The following CEACAM5 variants were observed in gnomAD, a reference collection of about 807,000 sequenced individuals.
The protein encoded by CEACAM5 is cell adhesion molecule CEACAM5.
In CEACAM5, 52 loss-of-function variants were observed where a neutral mutation model predicts 63.0. That is an observed-to-expected ratio of 0.83 (90% CI 0.66 to 1.04). The LOEUF (loss-of-function observed/expected upper bound fraction) is 1.04, where lower values mean the gene tolerates loss of function less well. CEACAM5 is among the 50% of genes least tolerant of loss of function. The pLI is 0.00. For missense variants in CEACAM5, 790 were observed against 864.8 expected, an observed-to-expected ratio of 0.91 and a Z score of 1.08; for synonymous variants, 357 against 351.3, an observed-to-expected ratio of 1.02 and a Z score of -0.18.
intron 9 of CEACAM5, among the ~76,000 whole-genome samples, chr19:41,728,786 C>CAAAAAAAAAAAAAAAA (rs55647539): frequency 8.2e-5 from 6 of 73,282 alleles, no homozygotes; most frequent in East Asian, 4.3e-4. Flanking sequence ...GACTCCGTCT[C>CAAAAAAAAAAAAAAAA]AAAAAAAAAA....
intron 2 of CEACAM5, among the ~76,000 whole-genome samples, chr19:41,712,297 C>T (rs1317743603): frequency 2.0e-5 from 3 of 152,344 alleles, no homozygotes; most frequent in African/African-American, 7.2e-5. Context: ...ACACCTGTGT[C>T]CTCATGATGA....
intron 3 of CEACAM5, 70 bp from the exon 4 acceptor site, chr19:41,715,580 C>T: frequency 6.3e-7 from 1 of 1,576,882 alleles, no homozygotes; most frequent in African/African-American, 1.3e-5. Flanking sequence ...ACACTGTGGT[C>T]CTTCCATAGA....
At position 41,709,997 on chromosome 19, in the gene CEACAM5, G is replaced by C; in HGVS notation, c.382G>C (p.Asp128His). 1 of 1,611,176 alleles carries C rather than the reference G, an allele frequency of 6.2e-7. No individual in the cohort carries two copies. The highest frequency in any genetic ancestry group is 8.5e-7 in the Non-Finnish European group (1 of 1,178,168). ...CTACACCCTACACGTCATAAAGTCA[G>C]ATCTTGTGAATGAAGAAGCAACTGG... is the stretch of plus-strand genomic sequence containing the variant. ...GFYTLHVIKS[D>H]LVNEEATGQF... Residue 128 changes from aspartate (D) to histidine (H), a missense_variant, in exon 2 of 10, where the codon GAT (aspartate) becomes CAT (histidine). Coordinates refer to ENST00000221992, the MANE Select transcript of CEACAM5 (RefSeq NM_004363.6).
At chr19:41,717,375 A>T (rs577420571) in intron 4 of CEACAM5, 80 bp from the exon 5 acceptor site, 3 of 1,481,768 alleles carry the variant, frequency 2.0e-6, no homozygotes, top group Non-Finnish European at 2.8e-6. Context: ...GAGGTGGGAG[A>T]TGCCAACTCT....
At chr19:41,710,215 T>C (rs1381076398) in intron 2 of CEACAM5, 176 bp downstream of exon 2, 3 of 1,028,924 alleles carry the variant, frequency 2.9e-6, no homozygotes, top group Non-Finnish European at 4.3e-6. Context: ...TCAGAATTCC[T>C]TTCCGGCATC....
intron 8 of CEACAM5, among the ~76,000 whole-genome samples, chr19:41,725,527 G>A (rs1011826664): frequency 4.6e-5 from 7 of 151,906 alleles, no homozygotes; most frequent in African/African-American, 1.2e-4. Context: ...GTGACACCAA[G>A]CCTGGATAGT....
intron 5 of CEACAM5, 142 bp downstream of exon 5, chr19:41,717,875 C>A: frequency 1.8e-6 from 2 of 1,128,158 alleles, no homozygotes; most frequent in Non-Finnish European, 2.6e-6. Flanking sequence ...CCCAGCAAAT[C>A]CATGCAGGCC....
At chr19:41,713,279 T>TA (rs1365446512) in intron 2 of CEACAM5, among the ~76,000 whole-genome samples, 1 of 151,470 alleles carries the variant, frequency 6.6e-6, no homozygotes, top group Non-Finnish European at 1.5e-5. Flanking sequence ...CACTCCAGCC[T>TA]GGCAACAGAG....
In CEACAM5 at chr19:41,716,843, A is replaced by G. The variant is rs148927338; in HGVS notation, c.959-612A>G. On this transcript the variant is annotated intron_variant, in intron 4 of 9. Transcript: ENST00000221992. ...CCCTTGTTCTGCTTCCATCACCACCATCTACCCACAGGACTCTTTTCTTCC... is the reference window on the plus strand; with the variant it reads ...CCCTTGTTCTGCTTCCATCACCACCGTCTACCCACAGGACTCTTTTCTTCC... Among the ~76,000 whole-genome samples the G allele has an allele frequency of 8.8e-3, 1,337 of 152,250 alleles. 5 individuals are homozygous for G. Among genetic ancestry groups the G allele is most frequent in the Non-Finnish European group, 0.014 (942 of 68,016 alleles).
chr19:41,721,314 C>G, intron 8 of CEACAM5, 138 bp downstream of exon 8: 1 of 949,948 alleles, frequency 1.1e-6, no homozygotes, highest in Non-Finnish European at 1.6e-6. Flanking sequence ...ATCCTGAGCC[C>G]CCTCACTCCA....
chr19:41,728,786 C>CAAAAAAAAAAAAAAAAAAAAAA (rs55647539), intron 9 of CEACAM5, among the ~76,000 whole-genome samples: 5 of 73,286 alleles, frequency 6.8e-5, no homozygotes, highest in African/African-American at 2.9e-4. Flanking sequence ...GACTCCGTCT[C>CAAAAAAAAAAAAAAAAAAAAAA]AAAAAAAAAA....
At chr19:41,721,222 C>A in intron 8 of CEACAM5, 46 bp downstream of exon 8, 9 of 1,598,832 alleles carry the variant, frequency 5.6e-6, no homozygotes, top group Non-Finnish European at 6.0e-6. Flanking sequence ...GGGGTGGAGT[C>A]TATCTGGTTC....
At chr19:41,718,472 A>G in intron 6 of CEACAM5, 90 bp downstream of exon 6, 8 of 1,437,230 alleles carry the variant, frequency 5.6e-6, no homozygotes, top group Admixed American at 3.6e-5. Flanking sequence ...TTTCTTTCCT[A>G]GTATGCATCC....
intron 8 of CEACAM5, among the ~76,000 whole-genome samples, chr19:41,724,785 AGAAGTAC>A (rs1325888319): frequency 6.6e-6 from 1 of 152,216 alleles, no homozygotes; most frequent in African/African-American, 2.4e-5. Context: ...GTTAGTGTGT[AGAAGTAC>A]AACTGATGTT....
Position 41,718,158 on chromosome 19 carries a change from C to G in CEACAM5, c.1268C>G (p.Ser423Ter). ...CCAGACGACCCCACCATTTCCCCCT[C>G]ATACACCTATTACCGTCCAGGGGTG... ...YGPDDPTISP[S>*]YTYYRPGVNL... The change falls in exon 6 of 10, where the codon TCA (serine) becomes TGA (stop). Residue 423 changes from serine to a stop codon, truncating the protein, a stop_gained. Coordinates refer to ENST00000221992, the MANE Select transcript of CEACAM5 (RefSeq NM_004363.6). LOFTEE classifies it high-confidence loss of function. 1 of 1,614,224 alleles carries G rather than the reference C, an allele frequency of 6.2e-7. No homozygotes were observed. Among genetic ancestry groups the G allele is most frequent in the East Asian group, 2.2e-5 (1 of 44,888 alleles).
intron 4 of CEACAM5, among the ~76,000 whole-genome samples, chr19:41,716,753 T>C (rs1568705386): frequency 6.6e-6 from 1 of 152,214 alleles, no homozygotes; most frequent in South Asian, 2.1e-4. Context: ...TAACAGTACA[T>C]ATCTAACACA....
At chr19:41,715,399 T>C (rs1568703550) in intron 3 of CEACAM5, 150 bp downstream of exon 3, 1 of 1,303,326 alleles carries the variant, frequency 7.7e-7, no homozygotes, top group Non-Finnish European at 1.1e-6. Flanking sequence ...CAGAAAAACC[T>C]GGGCAGACCA....
At chr19:41,710,717 T>G (rs1328122304) in intron 2 of CEACAM5, among the ~76,000 whole-genome samples, 3 of 151,978 alleles carry the variant, frequency 2.0e-5, no homozygotes, top group South Asian at 2.1e-4. Context: ...AAGCTCAGTG[T>G]CCCCAGGAAG....
rs139106092 is a variant in CEACAM5, at chr19:41,729,566, A to G, written c.*419A>G. On this transcript the variant is annotated 3_prime_UTR_variant, in exon 10 of 10. Transcript: ENST00000221992. ...ACTGCACTGTCTGAGAATTTCCAAA[A>G]CTTTAATGAACTAACTGACAGCTTC... 1.3e-5 allele frequency: 2 copies of G among 152,190 alleles called. No individual in the cohort carries two copies. Among genetic ancestry groups the G allele is most frequent in the Non-Finnish European group, 2.9e-5 (2 of 68,026 alleles). The allele number at this position is 152,190 out of a possible 1,614,324, so 9.4% of individuals were successfully genotyped here.
Sources: gnomAD v4.1 joint callset for allele counts (sites outside exome capture counted in the v4.1 genomes callset) on GRCh38, gnomAD v4.1.1 for gene constraint, MANE v1.5 for transcripts, NCBI Gene and HGNC (gene_info 2026-07-23, HGNC 2026-07-21) for gene names.